KIF26A: variants seen among roughly 807,000 people sequenced by gnomAD.
KIF26A encodes kinesin-like protein KIF26A.
KIF26A carries 74 observed loss-of-function variants against 126.0 expected under a neutral mutation model. The observed-to-expected ratio is 0.59, with a 90% CI of 0.49 to 0.71. The LOEUF (loss-of-function observed/expected upper bound fraction) is 0.71, where lower values mean the gene tolerates loss of function less well. KIF26A is among the 30% of genes least tolerant of loss of function. KIF26A has a pLI of 0.00. For missense variants in KIF26A, 2,984 were observed against 2,763.3 expected, an observed-to-expected ratio of 1.08 and a Z score of -1.79; for synonymous variants, 1,445 against 1,232.7, an observed-to-expected ratio of 1.17 and a Z score of -3.61.
At position 104,177,548 on chromosome 14, in the gene KIF26A, A is replaced by G; in HGVS notation, c.4760A>G (p.Asp1587Gly). The G allele has an allele frequency of 1.3e-6, 2 of 1,537,738 alleles. No homozygotes were observed. The highest frequency in any genetic ancestry group is 8.7e-7 in the Non-Finnish European group (1 of 1,147,356). ...GGTGGCTCCTCGTGGGGCTCGGCGG[A>G]CTCAGACAGCGGCCATGACAGCGGC... Reference protein sequence around the residue: ...GRGGSSWGSADSDSGHDSGVN... With the variant: ...GRGGSSWGSAGSDSGHDSGVN... Residue 1587 changes from aspartate (D) to glycine (G), a missense_variant, in exon 12 of 15, where the codon GAC (aspartate) becomes GGC (glycine). Asp to Gly is a moderately conservative substitution (Grantham distance 94). Transcript: ENST00000423312.
chr14:104,168,879 A>C (rs558856836), intron 5 of KIF26A, among the ~76,000 whole-genome samples: 1 of 149,754 alleles, frequency 6.7e-6, no homozygotes, highest in East Asian at 2.0e-4. Context: ...TGGGTGAAGC[A>C]GAGTTGGGGG....
chr14:104,146,193 T>C (rs1378772476), intron 2 of KIF26A, among the ~76,000 whole-genome samples: 1 of 152,038 alleles, frequency 6.6e-6, no homozygotes, highest in African/African-American at 2.4e-5. Context: ...TGGTTGTTTT[T>C]GGGGGTGGGT....
chr14:104,145,724 C>T (rs181499975), intron 2 of KIF26A, among the ~76,000 whole-genome samples: 9 of 152,330 alleles, frequency 5.9e-5, no homozygotes, highest in South Asian at 2.1e-4. Context: ...GGCTGTAGCC[C>T]GGCTCTGCCC....
Position 104,138,669 on chromosome 14 carries a change from C to G in KIF26A, c.-54C>G. ...GCCGGATCACGTAGCCGCGGCGCCC[C>G]CGGAGAGCCAGCGTGGCCGGGAGCG... On this transcript the variant is annotated 5_prime_UTR_variant, in exon 1 of 15. Transcript: ENST00000423312. The G allele has an allele frequency of 8.0e-7, 1 of 1,245,780 alleles. No individual in the cohort carries two copies. Among genetic ancestry groups the G allele is most frequent in the Non-Finnish European group, 1.0e-6 (1 of 991,622 alleles). The allele number at this position is 1,245,780 out of a possible 1,614,324, so 77.2% of individuals were successfully genotyped here.
At chr14:104,164,125 A>G (rs1479862365) in intron 4 of KIF26A, among the ~76,000 whole-genome samples, 1 of 152,180 alleles carries the variant, frequency 6.6e-6, no homozygotes, top group Admixed American at 6.5e-5. Context: ...GAAATTAAGC[A>G]AAACGCCAGC....
chr14:104,155,176 TC>T (rs1284992949), intron 3 of KIF26A, among the ~76,000 whole-genome samples: 1 of 152,116 alleles, frequency 6.6e-6, no homozygotes, highest in Non-Finnish European at 1.5e-5. Context: ...CTCCTCCCTT[TC>T]TCCCCCACTT....
In KIF26A at chr14:104,157,795, T is replaced by C. The variant is rs764229705; in HGVS notation, c.776T>C (p.Val259Ala). The C allele has an allele frequency of 3.7e-6, 6 of 1,610,262 alleles. No individual in the cohort carries two copies. Among genetic ancestry groups the C allele is most frequent in the Admixed American group, 3.3e-5 (2 of 59,824 alleles). Residue 259 changes from valine to alanine, a missense_variant, in exon 4 of 15, where the codon GTC (valine) becomes GCC (alanine). Val to Ala is a moderately conservative substitution (Grantham distance 64). Coordinates refer to ENST00000423312, the MANE Select transcript of KIF26A (RefSeq NM_015656.2). The stretch of plus-strand genomic sequence containing the variant: ...GCGGCCGTGGCGGTGGCAGACACGG[T>C]CCGAGAATGCCCCCCCGTGGCCGGC... Reference protein sequence around the residue: ...AVAAVAVADTVRECPPVAGPD... With the variant: ...AVAAVAVADTARECPPVAGPD...
In KIF26A at chr14:104,175,219, C is replaced by G. The variant is rs765072790; in HGVS notation, c.2431C>G (p.Pro811Ala). 1 of 1,609,892 alleles carries G rather than the reference C, an allele frequency of 6.2e-7. No homozygotes were observed. The highest frequency in any genetic ancestry group is 2.2e-5 in the East Asian group (1 of 44,846). Residue 811 changes from proline (P) to alanine (A), a missense_variant, in exon 12 of 15, where the codon CCG (proline) becomes GCG (alanine). Physicochemically the swap from Pro to Ala is conservative, Grantham distance 27. Transcript: ENST00000423312. ...CCGGGAGCTCACCGACAACGAAGGTCCGCCTGACTTCGTGCCCATCATCCC... is the reference window on the plus strand; with the variant it reads ...CCGGGAGCTCACCGACAACGAAGGTGCGCCTGACTTCGTGCCCATCATCCC... ...SDRELTDNEG[P>A]PDFVPIIPAL...
intron 4 of KIF26A, among the ~76,000 whole-genome samples, chr14:104,159,690 C>G (rs2037815724): frequency 6.6e-6 from 1 of 152,234 alleles, no homozygotes; most frequent in African/African-American, 2.4e-5. Flanking sequence ...CCATTACTTC[C>G]AGCCTGTTAG....
At chr14:104,166,751 T>C in intron 4 of KIF26A, 108 bp from the exon 5 acceptor site, 1 of 1,070,432 alleles carries the variant, frequency 9.3e-7, no homozygotes, top group Non-Finnish European at 1.3e-6. Flanking sequence ...TTTCCTGGGA[T>C]GGTGGCTGAT....
intron 2 of KIF26A, among the ~76,000 whole-genome samples, chr14:104,149,933 C>T (rs113991108): frequency 6.6e-6 from 1 of 152,198 alleles, no homozygotes; most frequent in Non-Finnish European, 1.5e-5. Context: ...ACGGGGCCAC[C>T]AGGGCAGCCT....
At position 104,175,030 on chromosome 14, in the gene KIF26A, G is replaced by C. The variant is rs760143801; in HGVS notation, c.2242G>C (p.Ala748Pro). 1.3e-6 allele frequency: 2 copies of C among 1,562,060 alleles called. No homozygotes were observed. Among genetic ancestry groups the C allele is most frequent in the Admixed American group, 3.7e-5 (2 of 53,808 alleles). The change falls in exon 12 of 15, where the codon GCC becomes CCC. Residue 748 changes from alanine to proline, a missense_variant. By Grantham distance (27) the Ala-to-Pro change is conservative. Coordinates refer to ENST00000423312, the MANE Select transcript of KIF26A (RefSeq NM_015656.2). ...GGESSCEEGR[A>P]RRPPHLRPFH... Reference sequence around the variant, plus strand: ...GGAGAGCTCCTGTGAGGAAGGCCGGGCCCGTCGGCCCCCGCACCTGCGGCC... The same window carrying C: ...GGAGAGCTCCTGTGAGGAAGGCCGGCCCCGTCGGCCCCCGCACCTGCGGCC...
At chr14:104,140,975 G>T (rs983131906) in intron 2 of KIF26A, among the ~76,000 whole-genome samples, 1 of 152,172 alleles carries the variant, frequency 6.6e-6, no homozygotes, top group South Asian at 2.1e-4. Context: ...AGGGTGCTGT[G>T]CCCCCGGGAG....
At chr14:104,157,222 A>G (rs796769988) in intron 3 of KIF26A, among the ~76,000 whole-genome samples, 16 of 152,208 alleles carry the variant, frequency 1.1e-4, no homozygotes, top group African/African-American at 3.9e-4. Context: ...TATTTGAGCT[A>G]ATGAGTTGGA....
chr14:104,172,058 C>G, intron 6 of KIF26A, 123 bp downstream of exon 6: 1 of 944,010 alleles, frequency 1.1e-6, no homozygotes, highest in Non-Finnish European at 1.6e-6. Flanking sequence ...GCGAGGGGCC[C>G]GCTGCCTGCG....
rs777394392 is a variant in KIF26A at position 104,139,266 on chromosome 14, G to T, written c.266G>T (p.Ser89Ile). Residue 89 changes from serine (S) to isoleucine (I), a missense_variant, in exon 2 of 15, where the codon AGC (serine) becomes ATC (isoleucine). Ser to Ile is a moderately radical substitution (Grantham distance 142). Coordinates refer to ENST00000423312, the MANE Select transcript of KIF26A (RefSeq NM_015656.2). Reference sequence around the variant, plus strand: ...AAGCGACAGGCGTGGAAGCTGGTCAGCGGGCCCGGGACCACCCTCCGGGTA... The same window carrying T: ...AAGCGACAGGCGTGGAAGCTGGTCATCGGGCCCGGGACCACCCTCCGGGTA... The part of the protein sequence containing the change: ...ELKRQAWKLV[S>I]GPGTTLRDPC... 3.9e-6 allele frequency: 6 copies of T among 1,531,954 alleles called. No homozygotes were observed. The East Asian group carries it at 1.5e-4, about 38-fold the overall frequency. The allele number at this position is 1,531,954 out of a possible 1,614,324, so 94.9% of individuals were successfully genotyped here.
chr14:104,164,920 T>C (rs1047473308), intron 4 of KIF26A, among the ~76,000 whole-genome samples: 9 of 151,998 alleles, frequency 5.9e-5, no homozygotes, highest in African/African-American at 2.2e-4. Context: ...TCTGTCTCTG[T>C]GTGTGTCTCT....
At chr14:104,169,430 G>A (rs1046920372) in intron 5 of KIF26A, among the ~76,000 whole-genome samples, 1 of 152,152 alleles carries the variant, frequency 6.6e-6, no homozygotes, top group South Asian at 2.1e-4. Context: ...AGCCTTGGCC[G>A]GGCTTCTCCC....
intron 4 of KIF26A, among the ~76,000 whole-genome samples, chr14:104,162,051 G>A (rs545575244): frequency 8.5e-5 from 13 of 152,360 alleles, no homozygotes; most frequent in Middle Eastern, 3.4e-3. Flanking sequence ...GTAGCCAGAT[G>A]GGGGCTGCTG....
Sources: allele counts gnomAD v4.1 joint callset (sites outside exome capture counted in the v4.1 genomes callset), GRCh38; gene constraint gnomAD v4.1.1; transcripts MANE v1.5; gene names NCBI Gene and HGNC (gene_info 2026-07-23, HGNC 2026-07-21).